DNAJC13: variants seen among roughly 807,000 people sequenced by gnomAD.
DNAJC13 encodes dnaJ homolog subfamily C member 13.
Under a neutral mutation model 290.5 loss-of-function variants are expected in DNAJC13, and 75 were observed. That is an observed-to-expected ratio of 0.26 (90% confidence interval 0.21 to 0.31). DNAJC13 has a LOEUF of 0.31. DNAJC13 is among the 10% of genes least tolerant of loss of function. The probability of loss-of-function intolerance (pLI) is 1.00; values close to 1 mark genes in which losing one functional copy is unlikely to be tolerated. For missense variants in DNAJC13, 2,260 were observed against 2,674.5 expected, an observed-to-expected ratio of 0.85 and a Z score of 3.42; for synonymous variants, 862 against 892.0, an observed-to-expected ratio of 0.97 and a Z score of 0.60.
At chr3:132,509,853 G>A (rs1935714798) in intron 43 of DNAJC13, among the ~76,000 whole-genome samples, 1 of 151,994 alleles carries the variant, frequency 6.6e-6, no homozygotes, top group South Asian at 2.1e-4. Flanking sequence ...ATAGACCACA[G>A]TATAATGTAA....
intron 1 of DNAJC13, among the ~76,000 whole-genome samples, 187 bp from the exon 2 acceptor site, chr3:132,434,351 A>G (rs993767519): frequency 1.3e-5 from 2 of 150,614 alleles, no homozygotes. Flanking sequence ...GTGCCACTGC[A>G]CTCCAGCCTG....
intron 17 of DNAJC13, among the ~76,000 whole-genome samples, chr3:132,464,040 A>G (rs56144700): frequency 0.012 from 1,823 of 152,228 alleles, 30 homozygotes; most frequent in African/African-American, 0.042. Context: ...TCCCCGACCT[A>G]TTATCAGGCC....
At chr3:132,493,012 T>G (rs1341290789) in intron 33 of DNAJC13, among the ~76,000 whole-genome samples, 2 of 152,128 alleles carry the variant, frequency 1.3e-5, no homozygotes, top group East Asian at 3.8e-4. Flanking sequence ...TAATATTTAA[T>G]AACTCTTTAA....
intron 40 of DNAJC13, among the ~76,000 whole-genome samples, chr3:132,502,899 T>C (rs191629785): frequency 1.2e-3 from 181 of 152,348 alleles, no homozygotes; most frequent in African/African-American, 4.2e-3. Flanking sequence ...TGTGTGCTTC[T>C]AGCAGGCAGG....
At chr3:132,517,525 G>C (rs1342244754) in intron 48 of DNAJC13, among the ~76,000 whole-genome samples, 1 of 152,120 alleles carries the variant, frequency 6.6e-6, no homozygotes, top group Non-Finnish European at 1.5e-5. Context: ...TAAAGGCTCA[G>C]GAGTCCTACT....
chr3:132,479,627 A>G lies in DNAJC13; in HGVS notation c.2772+338A>G, dbSNP rs144083968. ...TAGGGTTAAATTTTAAGTAAAATAT[A>G]TGCTTGACATAAAATGGAAAGTCTT... is the stretch of plus-strand genomic sequence containing the variant. On this transcript the variant is annotated intron_variant, in intron 25 of 55. Transcript: ENST00000260818. Among the ~76,000 whole-genome samples, 1,105 of 152,298 alleles carry G rather than the reference A, an allele frequency of 7.3e-3. 10 individuals are homozygous for G. The highest frequency in any genetic ancestry group is 0.025 in the African/African-American group (1,044 of 41,572).
At chr3:132,428,733 A>G (rs1483518307) in intron 1 of DNAJC13, among the ~76,000 whole-genome samples, 1 of 152,270 alleles carries the variant, frequency 6.6e-6, no homozygotes, top group East Asian at 1.9e-4. Flanking sequence ...CACTTTGTCA[A>G]GAAATGTCCT....
In DNAJC13 at chr3:132,438,386, A is replaced by C. The variant is rs191094586; in HGVS notation, c.68+3768A>C. On this transcript the variant is annotated intron_variant, in intron 2 of 55. Coordinates refer to ENST00000260818, the MANE Select transcript of DNAJC13 (RefSeq NM_015268.4). ...ATTCTAATCTAGGTTTAAAGTACTCATCAGCAGTGTTAATGTAAAAAATAA... is the reference window on the plus strand; with the variant it reads ...ATTCTAATCTAGGTTTAAAGTACTCCTCAGCAGTGTTAATGTAAAAAATAA... 2.6e-5 allele frequency among the ~76,000 whole-genome samples: 4 copies of C among 152,328 alleles called. No homozygotes were observed. The East Asian group carries it at 7.7e-4, about 29-fold the overall frequency.
At chr3:132,487,299 C>G (rs1271128899) in intron 29 of DNAJC13, among the ~76,000 whole-genome samples, 1 of 151,880 alleles carries the variant, frequency 6.6e-6, no homozygotes. Context: ...CTCTGTCGCC[C>G]AGGTTGGAGT....
chr3:132,535,191 A>C (rs989745008), intron 55 of DNAJC13, among the ~76,000 whole-genome samples: 2 of 152,226 alleles, frequency 1.3e-5, no homozygotes, highest in Non-Finnish European at 2.9e-5. Flanking sequence ...TTACTACTTC[A>C]AAGTAAGATA....
chr3:132,506,000 A>C (rs1935571223), intron 42 of DNAJC13, among the ~76,000 whole-genome samples: 1 of 150,018 alleles, frequency 6.7e-6, no homozygotes, highest in South Asian at 2.1e-4. Context: ...AATTTTTGAG[A>C]ATTGCAGAGC....
intron 49 of DNAJC13, 72 bp downstream of exon 49, chr3:132,523,069 G>C (rs961297941): frequency 6.3e-7 from 1 of 1,599,340 alleles, no homozygotes; most frequent in Non-Finnish European, 8.6e-7. Flanking sequence ...ATTTCTTACT[G>C]TGCCCATCAC....
chr3:132,494,223 C>T lies in DNAJC13; in HGVS notation c.3905C>T (p.Ala1302Val). Reference sequence around the variant, plus strand: ...CCACCTATGATGTCAATAGATGATGCTTATGAAGTGCTTAATCTGCCTCAA... The same window carrying T: ...CCACCTATGATGTCAATAGATGATGTTTATGAAGTGCTTAATCTGCCTCAA... Reference protein sequence around the residue: ...KKPPMMSIDDAYEVLNLPQGQ... With the variant: ...KKPPMMSIDDVYEVLNLPQGQ... The change falls in exon 34 of 56, where the codon GCT becomes GTT. Residue 1302 changes from alanine (A) to valine (V), a missense_variant. Ala to Val is a moderately conservative substitution (Grantham distance 64). Around this residue, in one of 3 missense-constraint regions of DNAJC13, gnomAD observed 1,494 missense variants for 1,693.7 expected, o/e 0.88. Transcript: ENST00000260818. 1 of 1,613,130 alleles carries T rather than the reference C, an allele frequency of 6.2e-7. No homozygotes were observed. Among genetic ancestry groups the T allele is most frequent in the Non-Finnish European group, 8.5e-7 (1 of 1,179,512 alleles).
In DNAJC13 at chr3:132,456,741, G is replaced by T. The variant is rs1933611013; in HGVS notation, c.1258G>T (p.Ala420Ser). The T allele has an allele frequency of 6.2e-7, 1 of 1,613,982 alleles. No homozygotes were observed. The change falls in exon 12 of 56, where the codon GCT becomes TCT. Residue 420 changes from alanine to serine, a missense_variant. Ala to Ser is a moderately conservative substitution (Grantham distance 99, BLOSUM62 1). Around this residue, in one of 3 missense-constraint regions of DNAJC13, gnomAD observed 762 missense variants for 964.1 expected, o/e 0.79. Coordinates refer to ENST00000260818, the MANE Select transcript of DNAJC13 (RefSeq NM_015268.4). Reference protein sequence around the residue: ...ALLSQEGDVVASNAELESQFQ... With the variant: ...ALLSQEGDVVSSNAELESQFQ... ...ACTGTCCCAAGAAGGGGATGTCGTTGCTTCAAATGCGGAACTTGAGAGTCA... is the reference window on the plus strand; with the variant it reads ...ACTGTCCCAAGAAGGGGATGTCGTTTCTTCAAATGCGGAACTTGAGAGTCA...
At chr3:132,473,767 A>G (rs1934368153) in intron 21 of DNAJC13, among the ~76,000 whole-genome samples, 1 of 152,052 alleles carries the variant, frequency 6.6e-6, no homozygotes, top group Non-Finnish European at 1.5e-5. Context: ...CACAGTACTC[A>G]CTCTGGAAAC....
intron 20 of DNAJC13, among the ~76,000 whole-genome samples, chr3:132,469,826 G>GT (rs1488891176): frequency 3.3e-5 from 5 of 151,282 alleles, no homozygotes; most frequent in Admixed American, 6.6e-5. Context: ...CTAGTCTGGG[G>GT]TTTTTTTGCA....
chr3:132,515,064 T>C (rs1034864775), intron 46 of DNAJC13, among the ~76,000 whole-genome samples: 1 of 152,166 alleles, frequency 6.6e-6, no homozygotes, highest in African/African-American at 2.4e-5. Context: ...CTTTGTCTTT[T>C]GCTGATTTGA....
At chr3:132,454,240 G>C in intron 9 of DNAJC13, 83 bp downstream of exon 9, 1 of 877,386 alleles carries the variant, frequency 1.1e-6, no homozygotes, top group Non-Finnish European at 1.7e-6. Flanking sequence ...AAGATATGTA[G>C]TCTAGAAATT....
At chr3:132,448,880 T>G (rs9828699) in intron 5 of DNAJC13, among the ~76,000 whole-genome samples, 7,401 of 152,252 alleles carry the variant, frequency 0.049, 204 homozygotes, top group Non-Finnish European at 0.066. Context: ...ATGGTCAAAT[T>G]TTTATAAATC....
Sources: gnomAD v4.1 joint callset for allele counts (sites outside exome capture counted in the v4.1 genomes callset) on GRCh38, gnomAD v4.1.1 for gene constraint, gnomAD v4.1.1 regional missense constraint, MANE v1.5 for transcripts, NCBI Gene and HGNC (gene_info 2026-07-23, HGNC 2026-07-21) for gene names.